NUMB: variants seen among roughly 807,000 people sequenced by gnomAD.
NUMB encodes the protein protein numb homolog.
In NUMB, 29 loss-of-function variants were observed where a neutral mutation model predicts 59.7. The observed-to-expected ratio is 0.49, with a 90% CI of 0.36 to 0.66. The LOEUF (loss-of-function observed/expected upper bound fraction) is 0.66, where lower values mean the gene tolerates loss of function less well. Ranked by LOEUF, NUMB falls within the 30% of genes least tolerant of loss-of-function variation. The probability of loss-of-function intolerance (pLI) is 0.00; values close to 1 mark genes in which losing one functional copy is unlikely to be tolerated. For synonymous variants in NUMB, 288 were observed against 288.2 expected (o/e 1.00, Z 0.01); for missense variants, 723 against 822.0 (o/e 0.88, Z 1.47).
chr14:73,377,994 T>C (rs201043948), intron 2 of NUMB, among the ~76,000 whole-genome samples: 60 of 146,506 alleles, frequency 4.1e-4, no homozygotes, highest in Non-Finnish European at 7.7e-4. Context: ...TATATACACA[T>C]ACACACACAC....
At chr14:73,356,040 G>C (rs575568831) in intron 3 of NUMB, among the ~76,000 whole-genome samples, 1 of 152,192 alleles carries the variant, frequency 6.6e-6, no homozygotes, top group South Asian at 2.1e-4. Context: ...ACTTCTAGTA[G>C]GATTTAAAGA....
At chr14:73,314,047 C>T (rs558368071) in intron 6 of NUMB, among the ~76,000 whole-genome samples, 14 of 151,742 alleles carry the variant, frequency 9.2e-5, no homozygotes, top group South Asian at 8.3e-4. Flanking sequence ...CTAAAAAAGA[C>T]GATTATTTAA....
At chr14:73,437,853 T>C (rs1898122778) in intron 1 of NUMB, among the ~76,000 whole-genome samples, 1 of 152,074 alleles carries the variant, frequency 6.6e-6, no homozygotes, top group Admixed American at 6.6e-5. Context: ...AGATTCCACA[T>C]AAGGATCAGG....
intron 1 of NUMB, among the ~76,000 whole-genome samples, chr14:73,457,229 C>T (rs1884442340): frequency 1.3e-5 from 2 of 152,102 alleles, no homozygotes; most frequent in Admixed American, 6.6e-5. Context: ...AGTTCAGCTA[C>T]TCCTCCCCTT....
At chr14:73,396,145 C>T (rs8010228) in intron 2 of NUMB, among the ~76,000 whole-genome samples, 2,252 of 152,116 alleles carry the variant, frequency 0.015, 53 homozygotes, top group African/African-American at 0.048. Context: ...TGCAGTGGCA[C>T]GACCATAGCT....
At chr14:73,435,614 CACA>C (rs1324392393) in intron 1 of NUMB, among the ~76,000 whole-genome samples, 1 of 151,960 alleles carries the variant, frequency 6.6e-6, no homozygotes, top group African/African-American at 2.4e-5. Flanking sequence ...TGCCCTGTGA[CACA>C]ACAATTCTGC....
chr14:73,405,988 A>G (rs926369627), intron 2 of NUMB, among the ~76,000 whole-genome samples: 17 of 152,228 alleles, frequency 1.1e-4, no homozygotes, highest in African/African-American at 2.2e-4. Context: ...ACAGATCTGA[A>G]TAACACTGCC....
chr14:73,364,420 C>A (rs549273434), intron 3 of NUMB, among the ~76,000 whole-genome samples: 1 of 152,206 alleles, frequency 6.6e-6, no homozygotes, highest in East Asian at 1.9e-4. Flanking sequence ...GGGAAGATCA[C>A]TTGAACCTGG....
At chr14:73,351,600 T>C (rs1378492524) in intron 4 of NUMB, among the ~76,000 whole-genome samples, 2 of 152,156 alleles carry the variant, frequency 1.3e-5, no homozygotes, top group African/African-American at 4.8e-5. Flanking sequence ...TTTGGGAAGA[T>C]GAAAAAGTTC....
intron 1 of NUMB, among the ~76,000 whole-genome samples, chr14:73,412,067 G>A (rs1013358819): frequency 1.1e-4 from 17 of 151,548 alleles, no homozygotes; most frequent in African/African-American, 3.9e-4. Context: ...TAGGACTACA[G>A]ATGCATGCCA....
chr14:73,392,201 G>A (rs1566776532), intron 2 of NUMB, among the ~76,000 whole-genome samples: 1 of 152,186 alleles, frequency 6.6e-6, no homozygotes, highest in African/African-American at 2.4e-5. Flanking sequence ...AAACAGAGCT[G>A]AGAAATACAG....
chr14:73,413,008 A>T (rs919416375), intron 1 of NUMB, among the ~76,000 whole-genome samples: 2 of 152,122 alleles, frequency 1.3e-5, no homozygotes, highest in Non-Finnish European at 2.9e-5. Flanking sequence ...TGGGGTTTTT[A>T]AAAGAGTAGT....
In NUMB at chr14:73,277,310, G is replaced by C. The variant is rs762530880; in HGVS notation, c.1241-17C>G. The C allele has an allele frequency of 1.9e-6, 3 of 1,566,648 alleles. No homozygotes were observed. The highest frequency in any genetic ancestry group is 1.7e-6 in the Non-Finnish European group (2 of 1,147,376). On this transcript the variant is annotated splice_polypyrimidine_tract_variant and intron_variant, in intron 12 of 12. Transcript: ENST00000555238. ...ACTCGGTCCCTGGAACCAACAAGAT[G>C]AGAGACAAAAGAATCAGTTAGGGGC...
chr14:73,304,937 T>C (rs1890342579), intron 6 of NUMB, among the ~76,000 whole-genome samples: 1 of 151,988 alleles, frequency 6.6e-6, no homozygotes, highest in South Asian at 2.1e-4. Context: ...TGGCTAATTT[T>C]TGTATTTTTA....
At chr14:73,385,381 C>T (rs12897205) in intron 2 of NUMB, among the ~76,000 whole-genome samples, 235 of 148,050 alleles carry the variant, frequency 1.6e-3, no homozygotes, top group Non-Finnish European at 2.8e-3. Flanking sequence ...CTCCTGGGCT[C>T]AAGTGATCCT....
intron 2 of NUMB, among the ~76,000 whole-genome samples, chr14:73,399,375 C>T (rs962261237): frequency 3.3e-5 from 5 of 151,850 alleles, no homozygotes; most frequent in African/African-American, 7.3e-5. Flanking sequence ...ACCAGCCTGA[C>T]GAAAATGGAG....
intron 1 of NUMB, among the ~76,000 whole-genome samples, chr14:73,422,890 G>A (rs1897413953): frequency 7.2e-6 from 1 of 139,698 alleles, no homozygotes; most frequent in Admixed American, 7.5e-5. Context: ...ACCATATCAG[G>A]AGGAAGAGAT....
At chr14:73,328,180 C>T (rs1169659306) in intron 4 of NUMB, among the ~76,000 whole-genome samples, 1 of 151,310 alleles carries the variant, frequency 6.6e-6, no homozygotes, top group African/African-American at 2.4e-5. Flanking sequence ...GAGGCTGAGG[C>T]ACGAGAATTG....
At chr14:73,352,463 CACACACACACACACATATATATATAT>C (rs1893382510) in intron 4 of NUMB, among the ~76,000 whole-genome samples, 3 of 5,886 alleles carry the variant, frequency 5.1e-4, no homozygotes, top group Non-Finnish European at 1.1e-3. Flanking sequence ...CACACATACA[CACACACACACACACATATATATATAT>C]ATATATATAT....
Sources: allele counts gnomAD v4.1 joint callset (sites outside exome capture counted in the v4.1 genomes callset), GRCh38; gene constraint gnomAD v4.1.1; transcripts MANE v1.5; gene names NCBI Gene and HGNC (gene_info 2026-07-23, HGNC 2026-07-21).